Variants in SEMA4D observed in about 807,000 individuals in gnomAD.
The protein encoded by SEMA4D is semaphorin-4D.
Under a neutral mutation model 74.8 loss-of-function variants are expected in SEMA4D, and 22 were observed. The ratio of observed to expected loss-of-function variants is 0.29; its 90% CI spans 0.21 to 0.42. The LOEUF (loss-of-function observed/expected upper bound fraction) is 0.42, where lower values mean the gene tolerates loss of function less well. SEMA4D is among the 10% of genes least tolerant of loss of function. The pLI is 1.00. For synonymous variants in SEMA4D, 445 were observed against 463.7 expected (o/e 0.96, Z 0.52); for missense variants, 937 against 1,118.4 (o/e 0.84, Z 2.31).
chr9:89,421,191 G>A (rs1161557194), intron 2 of SEMA4D, among the ~76,000 whole-genome samples: 1 of 152,186 alleles, frequency 6.6e-6, no homozygotes, highest in East Asian at 1.9e-4. Flanking sequence ...ACGGGGAGAG[G>A]GCCGTGAGCC....
intron 1 of SEMA4D, among the ~76,000 whole-genome samples, chr9:89,456,408 A>C (rs574353086): frequency 6.6e-6 from 1 of 152,372 alleles, no homozygotes; most frequent in African/African-American, 2.4e-5. Context: ...GCTCCAAAAC[A>C]GTCCCTAATT....
At chr9:89,362,438 C>CA (rs1188830516) in intron 18 of SEMA4D, 1 of 1,613,896 alleles carries the variant, frequency 6.2e-7, no homozygotes, top group African/African-American at 1.3e-5. Flanking sequence ...CCTGAAAGAA[C>CA]AATGTGGTCT....
At position 89,379,168 on chromosome 9, in the gene SEMA4D, C is replaced by T. The variant is rs778593167; in HGVS notation, c.2125G>A (p.Glu709Lys). The T allele has an allele frequency of 3.7e-6, 6 of 1,614,070 alleles. No individual in the cohort carries two copies. The highest frequency in any genetic ancestry group is 2.2e-5 in the East Asian group (1 of 44,880). The change falls in exon 16 of 16, where the codon GAA becomes AAA. Residue 709 changes from glutamate (E) to lysine (K), a missense_variant. Transcript: ENST00000422704. Reference protein sequence around the residue: ...PKPAPTGTSCEPKIVINTVPQ... With the variant: ...PKPAPTGTSCKPKIVINTVPQ... ...ACCGTGTTGATGACGATCTTTGGTT[C>T]GCAGGATGTGCCGGTGGGCGCAGGC...
chr9:89,411,253 A>G (rs1375412438), intron 2 of SEMA4D, among the ~76,000 whole-genome samples: 3 of 152,212 alleles, frequency 2.0e-5, no homozygotes, highest in Non-Finnish European at 4.4e-5. Flanking sequence ...TAGAAAATGA[A>G]GTTATTAACC....
chr9:89,362,576 C>G, intron 18 of SEMA4D: 1 of 1,411,470 alleles, frequency 7.1e-7, no homozygotes. Flanking sequence ...GTCTAAAGAT[C>G]CAAATGCCAG....
intron 2 of SEMA4D, among the ~76,000 whole-genome samples, chr9:89,410,087 T>C (rs1362395022): frequency 1.3e-4 from 1 of 7,796 alleles, no homozygotes; most frequent in East Asian, 4.2e-3. Context: ...GGGTGGGCGG[T>C]GGGGTAAGGT....
At chr9:89,441,142 T>C (rs1851581316) in intron 2 of SEMA4D, among the ~76,000 whole-genome samples, 1 of 152,224 alleles carries the variant, frequency 6.6e-6, no homozygotes, top group Admixed American at 6.5e-5. Context: ...TAAAGTCTTA[T>C]TACACATTGT....
chr9:89,418,408 T>TAAAGTTA, intron 2 of SEMA4D: 1 of 985,468 alleles, frequency 1.0e-6, no homozygotes, highest in Non-Finnish European at 1.2e-6. Context: ...TGTACTTTCT[T>TAAAGTTA]GCACAATAAG....
At chr9:89,362,815 C>T (rs977809842) in intron 18 of SEMA4D, among the ~76,000 whole-genome samples, 2 of 145,580 alleles carry the variant, frequency 1.4e-5, no homozygotes, top group African/African-American at 4.9e-5. Flanking sequence ...CAGACCCCAC[C>T]GCAGGTGGTA....
intron 1 of SEMA4D, among the ~76,000 whole-genome samples, chr9:89,491,977 C>T (rs1825666857): frequency 6.6e-6 from 1 of 152,186 alleles, no homozygotes; most frequent in Admixed American, 6.5e-5. Flanking sequence ...ACCCACCTCA[C>T]GGCTTCCTCC....
At chr9:89,393,204 G>C (rs28654099) in intron 7 of SEMA4D, among the ~76,000 whole-genome samples, 17,630 of 152,180 alleles carry the variant, frequency 0.12, 1,147 homozygotes, top group African/African-American at 0.14. Context: ...ATGCAACAGT[G>C]GGTACACACC....
downstream of SEMA4D, among the ~76,000 whole-genome samples, chr9:89,376,167 T>C (rs1835759244): frequency 6.6e-6 from 1 of 152,190 alleles, no homozygotes; most frequent in African/African-American, 2.4e-5. Flanking sequence ...TTAAAACAAC[T>C]CCCATTCTGG....
intron 17 of SEMA4D, chr9:89,363,583 T>C (rs1470785863): frequency 6.2e-7 from 1 of 1,607,962 alleles, no homozygotes; most frequent in Non-Finnish European, 8.5e-7. Flanking sequence ...ATGGCACCCT[T>C]GATGCCCACT....
At position 89,387,275 on chromosome 9, in the gene SEMA4D, C is replaced by T. The variant is rs532790254; in HGVS notation, c.1330+111G>A. The T allele has an allele frequency of 2.3e-4, 211 of 901,164 alleles. 1 individual carries two copies. The highest frequency in any genetic ancestry group is 1.8e-3 in the South Asian group (103 of 56,252). The allele number at this position is 901,164 out of a possible 1,614,324, so 55.8% of individuals were successfully genotyped here. ...CTCCCACAAACCTCCCAGGTCACCT[C>T]GAGGGAGGCAATGGAACTACTCACG... On this transcript the variant is annotated intron_variant, in intron 12 of 15. Coordinates refer to ENST00000422704, the MANE Select transcript of SEMA4D (RefSeq NM_001371194.2).
chr9:89,467,033 C>T (rs1858908128), intron 1 of SEMA4D, among the ~76,000 whole-genome samples: 1 of 152,218 alleles, frequency 6.6e-6, no homozygotes, highest in South Asian at 2.1e-4. Flanking sequence ...TATTCATCTG[C>T]AGCATTCACA....
intron 2 of SEMA4D, among the ~76,000 whole-genome samples, chr9:89,421,374 A>G (rs1846912308): frequency 6.6e-6 from 1 of 152,220 alleles, no homozygotes; most frequent in Non-Finnish European, 1.5e-5. Context: ...CACCCATGAG[A>G]AAGGCTGGCT....
intron 1 of SEMA4D, among the ~76,000 whole-genome samples, chr9:89,491,497 G>A (rs531455704): frequency 3.9e-5 from 6 of 152,264 alleles, no homozygotes; most frequent in African/African-American, 9.6e-5. Flanking sequence ...TTGAACCCAC[G>A]AGGCAGAGGT....
At chr9:89,363,714 G>T (rs775993112) in intron 17 of SEMA4D, 2 of 1,606,618 alleles carry the variant, frequency 1.2e-6, no homozygotes, top group South Asian at 1.1e-5. Flanking sequence ...TCATAAAAGG[G>T]TAACAGTGGG....
At chr9:89,373,030 C>T (rs1835322651), downstream of SEMA4D, among the ~76,000 whole-genome samples, 1 of 152,126 alleles carries the variant, frequency 6.6e-6, no homozygotes, top group South Asian at 2.1e-4. Flanking sequence ...CCCACCCCAG[C>T]TCCTGACACA....
Sources: allele counts gnomAD v4.1 joint callset (sites outside exome capture counted in the v4.1 genomes callset), GRCh38; gene constraint gnomAD v4.1.1; transcripts MANE v1.5; gene names NCBI Gene and HGNC (gene_info 2026-07-23, HGNC 2026-07-21).